The following COL27A1 variants were observed in gnomAD, a reference collection of about 807,000 sequenced individuals.
COL27A1 encodes collagen alpha-1(XXVII) chain.
In COL27A1, 106 loss-of-function variants were observed where a neutral mutation model predicts 251.3. The ratio of observed to expected loss-of-function variants is 0.42; its 90% CI spans 0.36 to 0.50. The LOEUF is 0.50. Among genes scored for constraint, COL27A1 ranks in the 20% least tolerant of loss-of-function variants. The probability of loss-of-function intolerance (pLI) is 0.00; values close to 1 mark genes in which losing one functional copy is unlikely to be tolerated. For missense variants in COL27A1, 2,325 were observed against 2,522.8 expected (o/e 0.92, Z 1.68); for synonymous variants, 1,000 against 986.3 (o/e 1.01, Z -0.26).
chr9:114,159,203 G>A (rs1325172145), intron 1 of COL27A1, among the ~76,000 whole-genome samples: 2 of 152,224 alleles, frequency 1.3e-5, no homozygotes, highest in African/African-American at 4.8e-5. Context: ...AAGCTTAATT[G>A]AAGAGAAGAT....
chr9:114,250,577 C>T, intron 24 of COL27A1, 38 bp from the exon 25 acceptor site: 1 of 1,598,494 alleles, frequency 6.3e-7, no homozygotes, highest in South Asian at 1.1e-5. Flanking sequence ...TCCCCGGATT[C>T]ACGTTGTTTC....
chr9:114,211,150 C>A, intron 12 of COL27A1, 124 bp downstream of exon 12: 1 of 1,018,060 alleles, frequency 9.8e-7, no homozygotes, highest in South Asian at 1.4e-5. Flanking sequence ...GTGTGGGGGC[C>A]GCATGTGGGG....
At chr9:114,178,391 C>T in intron 4 of COL27A1, 47 bp downstream of exon 4, 1 of 1,560,052 alleles carries the variant, frequency 6.4e-7, no homozygotes, top group Non-Finnish European at 8.8e-7. Context: ...GGCTCTTTGG[C>T]CTGCGTCTCA....
chr9:114,162,088 C>T (rs1000851291), intron 1 of COL27A1, among the ~76,000 whole-genome samples: 6 of 152,218 alleles, frequency 3.9e-5, no homozygotes, highest in African/African-American at 1.4e-4. Flanking sequence ...TCTAACTCCC[C>T]CTCGTCCCCT....
chr9:114,203,323 A>C (rs1433182746), intron 7 of COL27A1, among the ~76,000 whole-genome samples: 1 of 152,174 alleles, frequency 6.6e-6, no homozygotes, highest in Non-Finnish European at 1.5e-5. Context: ...GCGCCCTTGA[A>C]TCCAATGCCA....
intron 57 of COL27A1, 43 bp from the exon 58 acceptor site, chr9:114,306,477 C>A: frequency 6.2e-7 from 1 of 1,604,450 alleles, no homozygotes; most frequent in Non-Finnish European, 8.5e-7. Flanking sequence ...CCAGGCTGGA[C>A]CAGGACCCTA....
chr9:114,175,392 A>T (rs1487963969), intron 3 of COL27A1, among the ~76,000 whole-genome samples: 1 of 152,234 alleles, frequency 6.6e-6, no homozygotes, highest in African/African-American at 2.4e-5. Flanking sequence ...CACTGCGGAG[A>T]GAACAGGCAG....
chr9:114,235,598 G>C lies in COL27A1; in HGVS notation c.2566-1G>C, dbSNP rs201841592. The stretch of plus-strand genomic sequence containing the variant: ...AACCTTCTTTGCTGGTGTGTACTTA[G>C]GGTGAACAAGGGGTTCCAGGTGTGT... On this transcript the variant is annotated splice_acceptor_variant, in intron 16 of 60. Coordinates refer to ENST00000356083, the MANE Select transcript of COL27A1 (RefSeq NM_032888.4). LOFTEE classifies it high-confidence loss of function. 1.2e-6 allele frequency: 2 copies of C among 1,613,394 alleles called. No homozygotes were observed. The highest frequency in any genetic ancestry group is 2.7e-5 in the African/African-American group (2 of 74,870).
chr9:114,188,651 T>G (rs1189661255), intron 5 of COL27A1, among the ~76,000 whole-genome samples: 2 of 152,226 alleles, frequency 1.3e-5, no homozygotes, highest in Non-Finnish European at 2.9e-5. Flanking sequence ...CATACACATA[T>G]ATACAAATGA....
intron 19 of COL27A1, among the ~76,000 whole-genome samples, chr9:114,237,940 T>A (rs1832508029): frequency 6.6e-6 from 1 of 152,230 alleles, no homozygotes; most frequent in South Asian, 2.1e-4. Context: ...AAAGGTGGCC[T>A]CAGAGTCCTC....
intron 17 of COL27A1, among the ~76,000 whole-genome samples, chr9:114,236,158 C>T (rs183456925): frequency 1.6e-4 from 25 of 152,274 alleles, no homozygotes; most frequent in African/African-American, 5.5e-4. Context: ...CTCCACACCA[C>T]CCTGCTCAGA....
chr9:114,188,024 T>G (rs572685766), intron 5 of COL27A1, among the ~76,000 whole-genome samples: 2 of 151,792 alleles, frequency 1.3e-5, no homozygotes, highest in Non-Finnish European at 2.9e-5. Flanking sequence ...CCTGGGAGGG[T>G]TTTTGGCTTC....
intron 19 of COL27A1, among the ~76,000 whole-genome samples, chr9:114,239,565 C>T (rs1832616534): frequency 6.6e-6 from 1 of 152,062 alleles, no homozygotes; most frequent in Non-Finnish European, 1.5e-5. Flanking sequence ...CTCTGTGGGG[C>T]CCTAAGGAGG....
At chr9:114,252,507 C>T in intron 25 of COL27A1, 86 bp from the exon 26 acceptor site, 1 of 1,137,868 alleles carries the variant, frequency 8.8e-7, no homozygotes, top group Non-Finnish European at 1.3e-6. Context: ...CTCTTTGAGC[C>T]TCTGGATGGC....
chr9:114,235,897 C>T (rs773484578), intron 17 of COL27A1, among the ~76,000 whole-genome samples: 1 of 152,152 alleles, frequency 6.6e-6, no homozygotes, highest in Admixed American at 6.5e-5. Flanking sequence ...TTTACTGCTA[C>T]CCAGTTGTTC....
intron 27 of COL27A1, among the ~76,000 whole-genome samples, chr9:114,256,318 C>T (rs1040641451): frequency 5.3e-5 from 8 of 152,092 alleles, no homozygotes; most frequent in Non-Finnish European, 1.0e-4. Context: ...GGTGAAACCC[C>T]GTCTCTACTA....
Position 114,168,470 on chromosome 9 carries a change from C to T in COL27A1, c.915C>T (p.Pro305=), listed in dbSNP as rs1197599768. Residue 305 remains proline, a synonymous_variant, in exon 3 of 61, where the codon CCC becomes CCT. Coordinates refer to ENST00000356083, the MANE Select transcript of COL27A1 (RefSeq NM_032888.4). ...ATPTKPQRTS[P]TNPHQHMAVG... is the part of the protein sequence containing the mutation. ...CCACCAAGCCCCAAAGGACTAGCCC[C>T]ACAAACCCTCACCAGCATATGGCGG... The T allele has an allele frequency of 1.2e-6, 2 of 1,613,890 alleles. No homozygotes were observed. Among genetic ancestry groups the T allele is most frequent in the African/African-American group, 2.7e-5 (2 of 74,934 alleles).
At chr9:114,235,471 C>A (rs1832313116) in intron 16 of COL27A1, 128 bp from the exon 17 acceptor site, 3 of 779,834 alleles carry the variant, frequency 3.8e-6, no homozygotes, top group African/African-American at 3.4e-5. Context: ...TCTCACAAGG[C>A]TGCTGCTGGC....
intron 58 of COL27A1, 51 bp downstream of exon 58, chr9:114,306,739 G>A (rs751219469): frequency 5.7e-6 from 9 of 1,588,754 alleles, no homozygotes; most frequent in South Asian, 1.1e-5. Flanking sequence ...GGGGAGCTGG[G>A]GCAGGTGGAG....
Sources: gnomAD v4.1 joint callset for allele counts (sites outside exome capture counted in the v4.1 genomes callset) on GRCh38, gnomAD v4.1.1 for gene constraint, MANE v1.5 for transcripts, NCBI Gene and HGNC (gene_info 2026-07-23, HGNC 2026-07-21) for gene names.